RNF157: variants seen among roughly 807,000 people sequenced by gnomAD.
The protein encoded by RNF157 is ring finger protein 157, also known as E3 ubiquitin ligase RNF157.
Under a neutral mutation model 88.3 loss-of-function variants are expected in RNF157, and 55 were observed. The observed-to-expected ratio is 0.62, with a 90% CI of 0.50 to 0.78. The LOEUF (loss-of-function observed/expected upper bound fraction) is 0.78. Among genes scored for constraint, RNF157 ranks in the 30% least tolerant of loss-of-function variants. The pLI is 0.00. For synonymous variants in RNF157, 334 were observed against 341.2 expected (o/e 0.98, Z 0.23); for missense variants, 788 against 860.8 (o/e 0.92, Z 1.06).
intron 2 of RNF157, among the ~76,000 whole-genome samples, chr17:76,200,856 G>C (rs924645942): frequency 6.6e-6 from 1 of 152,080 alleles, no homozygotes; most frequent in Non-Finnish European, 1.5e-5. Context: ...TGTTTCTAAA[G>C]GTGAATTACT....
At position 76,156,290 on chromosome 17, in the gene RNF157, A is replaced by G; in HGVS notation, c.1445T>C (p.Leu482Pro). The change falls in exon 14 of 19, where the codon CTC (leucine) becomes CCC (proline). Residue 482 changes from leucine (L) to proline (P), a missense_variant. Transcript: ENST00000269391. ...ECGVTPESEN[L>P]TLSSSGAIDQ... ...AATAGCTCCAGATGACGACAAGGTG[A>G]GATTCTCACTTTCTGGAGTCACACC... The G allele has an allele frequency of 6.2e-7, 1 of 1,614,050 alleles. No individual in the cohort carries two copies. Among genetic ancestry groups the G allele is most frequent in the Non-Finnish European group, 8.5e-7 (1 of 1,179,980 alleles).
intron 2 of RNF157, among the ~76,000 whole-genome samples, chr17:76,207,137 C>G (rs60633196): frequency 9.9e-4 from 151 of 152,126 alleles, no homozygotes; most frequent in African/African-American, 3.4e-3. Context: ...GGCTTTGGGC[C>G]GGGCTTGGTG....
intron 3 of RNF157, 44 bp from the exon 4 acceptor site, chr17:76,167,841 A>G (rs2068953283): frequency 6.4e-7 from 1 of 1,572,394 alleles, no homozygotes; most frequent in African/African-American, 1.4e-5. Flanking sequence ...GCATATCAAT[A>G]TTTTAAAATT....
chr17:76,213,818 G>A (rs373490936), intron 1 of RNF157, among the ~76,000 whole-genome samples: 8 of 152,272 alleles, frequency 5.3e-5, no homozygotes, highest in East Asian at 1.9e-4. Flanking sequence ...ACCATGCTAT[G>A]TAATGAAGCT....
At chr17:76,173,285 C>CAA (rs764689805) in intron 3 of RNF157, among the ~76,000 whole-genome samples, 2 of 129,322 alleles carry the variant, frequency 1.5e-5, no homozygotes, top group Non-Finnish European at 3.3e-5. Context: ...GACTCCGTCT[C>CAA]AAAAAAAAAA....
chr17:76,188,895 T>C (rs949877824), intron 2 of RNF157, among the ~76,000 whole-genome samples: 10 of 152,256 alleles, frequency 6.6e-5, no homozygotes, highest in African/African-American at 2.2e-4. Flanking sequence ...TATGTACCTC[T>C]GATATGATGC....
At chr17:76,187,580 GTTTTA>G (rs1473404872) in intron 2 of RNF157, among the ~76,000 whole-genome samples, 1 of 151,104 alleles carries the variant, frequency 6.6e-6, no homozygotes, top group African/African-American at 2.4e-5. Context: ...ATACCTGATA[GTTTTA>G]TTTTATTTAT....
At position 76,240,425 on chromosome 17, in the gene RNF157, C is replaced by G. The variant is rs2070361266; in HGVS notation, c.-185G>C. 1 of 150,862 alleles carries G rather than the reference C, an allele frequency of 6.6e-6. No individual in the cohort carries two copies. Among genetic ancestry groups the G allele is most frequent in the African/African-American group, 2.4e-5 (1 of 40,896 alleles). The allele number at this position is 150,862 out of a possible 1,614,324, so 9.3% of individuals were successfully genotyped here. A position where few individuals can be genotyped will look rare whatever the true frequency, so the allele number is the denominator to read the frequency against. Reference sequence around the variant, plus strand: ...CCGCGCACCATCCTCCGCCGGGCACCGCGGCGGCGCCTCTGCCAAGGGGGC... The same window carrying G: ...CCGCGCACCATCCTCCGCCGGGCACGGCGGCGGCGCCTCTGCCAAGGGGGC... On this transcript the variant is annotated 5_prime_UTR_variant, in exon 1 of 19. Coordinates refer to ENST00000269391, the MANE Select transcript of RNF157 (RefSeq NM_052916.3). The surrounding 1 kb of genome is among the most constrained non-coding windows in gnomAD (Gnocchi z 4.4).
chr17:76,208,340 C>T (rs757748060), intron 2 of RNF157, among the ~76,000 whole-genome samples: 3 of 152,202 alleles, frequency 2.0e-5, no homozygotes, highest in Non-Finnish European at 1.5e-5. Context: ...GCAAAAATGG[C>T]AGCATGGTTC....
intron 17 of RNF157, 185 bp downstream of exon 17, chr17:76,154,098 G>A: frequency 1.6e-6 from 1 of 619,506 alleles, no homozygotes; most frequent in Non-Finnish European, 2.9e-6. Context: ...GAGCTGAGGA[G>A]GTCATAGAGA....
intron 1 of RNF157, among the ~76,000 whole-genome samples, chr17:76,231,633 T>C (rs2070194949): frequency 6.6e-6 from 1 of 152,036 alleles, no homozygotes; most frequent in Non-Finnish European, 1.5e-5. Flanking sequence ...CTCCACTTAT[T>C]TAAAAAAGAA....
At position 76,210,355 on chromosome 17, in the gene RNF157, A is replaced by G. The variant is rs563621043; in HGVS notation, c.207+2009T>C. Reference sequence around the variant, plus strand: ...ATGCCTGTAATCCCAGCACTTTGGGAGGCCAAGGTGGGCGGATCACGAGGT... The same window carrying G: ...ATGCCTGTAATCCCAGCACTTTGGGGGGCCAAGGTGGGCGGATCACGAGGT... On this transcript the variant is annotated intron_variant, in intron 2 of 18. Coordinates refer to ENST00000269391, the MANE Select transcript of RNF157 (RefSeq NM_052916.3). 9.9e-5 allele frequency among the ~76,000 whole-genome samples: 15 copies of G among 152,034 alleles called. No individual in the cohort carries two copies. The South Asian group carries it at 1.9e-3, about 19-fold the overall frequency.
At chr17:76,155,443 G>A (rs2068748198) in intron 15 of RNF157, 119 bp downstream of exon 15, 2 of 1,451,182 alleles carry the variant, frequency 1.4e-6, no homozygotes, top group Admixed American at 1.8e-5. Flanking sequence ...CTTGTTTTCT[G>A]CAGCACTCCT....
chr17:76,147,090 G>C, intron 18 of RNF157: 11 of 985,282 alleles, frequency 1.1e-5, no homozygotes, highest in Non-Finnish European at 1.2e-5. Flanking sequence ...TTACTCCCTG[G>C]GGGTGGGTAC....
intron 6 of RNF157, among the ~76,000 whole-genome samples, chr17:76,166,001 G>A (rs2068918193): frequency 2.6e-5 from 4 of 151,790 alleles, no homozygotes; most frequent in South Asian, 2.1e-4. Context: ...TTGAGACTGA[G>A]CCTCACTCTG....
chr17:76,182,787 A>ATATATG lies in RNF157; in HGVS notation c.208-8998_208-8997insCATATA, dbSNP rs1387837533. Among the ~76,000 whole-genome samples, 97 of 134,856 alleles carry ATATATG rather than the reference A, an allele frequency of 7.2e-4. 1 individual carries two copies. The highest frequency in any genetic ancestry group is 4.8e-4 in the Non-Finnish European group (31 of 64,118). The allele number at this position is 134,856 out of a possible 152,430, so 88.5% of individuals were successfully genotyped here. On this transcript the variant is annotated intron_variant, in intron 2 of 18. Coordinates refer to ENST00000269391, the MANE Select transcript of RNF157 (RefSeq NM_052916.3). Reference sequence around the variant, plus strand: ...TATATATATATATATATATATATATATGAGAGATATATATATGAGAGAGAT... The same window carrying ATATATG: ...TATATATATATATATATATATATATATATATGTGAGAGATATATATATGAGAGAGAT...
At chr17:76,223,391 T>C (rs888405549) in intron 1 of RNF157, among the ~76,000 whole-genome samples, 1 of 151,984 alleles carries the variant, frequency 6.6e-6, no homozygotes, top group Non-Finnish European at 1.5e-5. Flanking sequence ...TTTCACCATG[T>C]TGGCCAGACT....
At chr17:76,230,244 G>C (rs2070163850) in intron 1 of RNF157, among the ~76,000 whole-genome samples, 1 of 152,172 alleles carries the variant, frequency 6.6e-6, no homozygotes, top group African/African-American at 2.4e-5. Flanking sequence ...GTGGGTTTCT[G>C]TCTAATTTCC....
At chr17:76,219,652 A>G (rs1295387585) in intron 1 of RNF157, among the ~76,000 whole-genome samples, 1 of 152,168 alleles carries the variant, frequency 6.6e-6, no homozygotes, top group Non-Finnish European at 1.5e-5. Flanking sequence ...AATTTCTGTA[A>G]AGCAATCCCT....
Sources: allele counts gnomAD v4.1 joint callset (sites outside exome capture counted in the v4.1 genomes callset), GRCh38; gene constraint gnomAD v4.1.1; non-coding constraint Gnocchi (gnomAD v3.1); transcripts MANE v1.5; gene names NCBI Gene and HGNC (gene_info 2026-07-23, HGNC 2026-07-21).